Variants in ASTN1 observed in about 807,000 individuals in gnomAD.
The protein encoded by ASTN1 is astrotactin 1, also known as astrotactin-1.
In ASTN1, 41 loss-of-function variants were observed where a neutral mutation model predicts 140.7. That is an observed-to-expected ratio of 0.29 (90% CI 0.23 to 0.38). The LOEUF (loss-of-function observed/expected upper bound fraction) is 0.38. Ranked by LOEUF, ASTN1 falls within the 10% of genes least tolerant of loss-of-function variation. The probability of loss-of-function intolerance (pLI) is 1.00; values close to 1 mark genes in which losing one functional copy is unlikely to be tolerated. For missense variants in ASTN1, 1,479 were observed against 1,678.8 expected, an observed-to-expected ratio of 0.88 and a Z score of 2.08; for synonymous variants, 640 against 652.2, an observed-to-expected ratio of 0.98 and a Z score of 0.29.
chr1:177,069,113 A>C (rs1026229632), intron 1 of ASTN1, among the ~76,000 whole-genome samples: 1 of 152,110 alleles, frequency 6.6e-6, no homozygotes, highest in Non-Finnish European at 1.5e-5. Context: ...AATCCAGCCT[A>C]TCAATTTATA....
chr1:176,897,479 G>C (rs1448971763), intron 16 of ASTN1, among the ~76,000 whole-genome samples: 1 of 151,978 alleles, frequency 6.6e-6, no homozygotes, highest in Non-Finnish European at 1.5e-5. Flanking sequence ...AGCCCTCCTT[G>C]TTGAGAATTT....
At chr1:177,025,711 T>C (rs1201446937) in intron 5 of ASTN1, among the ~76,000 whole-genome samples, 1 of 152,238 alleles carries the variant, frequency 6.6e-6, no homozygotes, top group Non-Finnish European at 1.5e-5. Flanking sequence ...AATATTTGCT[T>C]TCTTACAATA....
intron 14 of ASTN1, among the ~76,000 whole-genome samples, chr1:176,940,662 T>A (rs953310204): frequency 6.6e-6 from 1 of 152,248 alleles, no homozygotes; most frequent in Admixed American, 6.5e-5. Flanking sequence ...CCTTTGCCTG[T>A]TCTTATTTGC....
At chr1:177,010,045 C>T (rs1254350132) in intron 8 of ASTN1, among the ~76,000 whole-genome samples, 1 of 151,954 alleles carries the variant, frequency 6.6e-6, no homozygotes, top group African/African-American at 2.4e-5. Flanking sequence ...TTTAATTTAA[C>T]AAAAAAACAT....
chr1:177,046,682 T>G (rs1677243548), intron 2 of ASTN1, among the ~76,000 whole-genome samples: 1 of 152,166 alleles, frequency 6.6e-6, no homozygotes, highest in Non-Finnish European at 1.5e-5. Context: ...TGCACACACA[T>G]GCAGAGGGAG....
At chr1:177,011,507 A>G (rs534673433) in intron 8 of ASTN1, among the ~76,000 whole-genome samples, 28 of 152,158 alleles carry the variant, frequency 1.8e-4, no homozygotes, top group Admixed American at 5.2e-4. Flanking sequence ...TAGGAGAATA[A>G]ATGATGGAGT....
intron 8 of ASTN1, among the ~76,000 whole-genome samples, chr1:177,009,722 G>A (rs759067754): frequency 6.6e-6 from 1 of 152,218 alleles, no homozygotes; most frequent in Non-Finnish European, 1.5e-5. Context: ...AGAGCAGGCA[G>A]TGTAAGGAAG....
chr1:176,965,653 C>A (rs919789106), intron 8 of ASTN1, among the ~76,000 whole-genome samples: 1 of 152,164 alleles, frequency 6.6e-6, no homozygotes, highest in African/African-American at 2.4e-5. Context: ...TTTGAATCAA[C>A]TGTCTGACCA....
chr1:177,086,156 T>C (rs1679454761), intron 1 of ASTN1, among the ~76,000 whole-genome samples: 1 of 152,112 alleles, frequency 6.6e-6, no homozygotes, highest in African/African-American at 2.4e-5. Flanking sequence ...TGGTCTTTTA[T>C]AATAGCAGAG....
At chr1:177,133,736 C>T (rs1378260666) in intron 1 of ASTN1, among the ~76,000 whole-genome samples, 1 of 152,112 alleles carries the variant, frequency 6.6e-6, no homozygotes, top group Non-Finnish European at 1.5e-5. Context: ...CACAGTTTAG[C>T]CCTGTAAAGG....
intron 9 of ASTN1, among the ~76,000 whole-genome samples, chr1:176,958,968 A>T (rs1212192517): frequency 1.3e-5 from 2 of 152,200 alleles, no homozygotes; most frequent in Non-Finnish European, 2.9e-5. Context: ...GGGAACAGAA[A>T]TGACTGAAGC....
At chr1:177,101,772 A>G (rs1680310953) in intron 1 of ASTN1, among the ~76,000 whole-genome samples, 1 of 152,172 alleles carries the variant, frequency 6.6e-6, no homozygotes, top group Non-Finnish European at 1.5e-5. Context: ...AAATTAGTAG[A>G]TGTCCTATCA....
chr1:177,049,382 A>G (rs540264388), intron 2 of ASTN1, among the ~76,000 whole-genome samples: 4 of 152,356 alleles, frequency 2.6e-5, no homozygotes, highest in East Asian at 3.9e-4. Context: ...TTTTATTGAC[A>G]TATTTCTCTC....
intron 1 of ASTN1, among the ~76,000 whole-genome samples, chr1:177,066,355 T>A (rs1678353620): frequency 6.6e-6 from 1 of 152,146 alleles, no homozygotes; most frequent in Non-Finnish European, 1.5e-5. Context: ...AATAATGAGA[T>A]CTTGGGCAGG....
chr1:176,905,394 T>G (rs1669942093), intron 16 of ASTN1, among the ~76,000 whole-genome samples: 1 of 152,176 alleles, frequency 6.6e-6, no homozygotes, highest in Non-Finnish European at 1.5e-5. Context: ...GTCTAGAAAT[T>G]TTTAATAAAA....
rs986407771 is a variant in ASTN1 at position 177,014,823 on chromosome 1, A to G, written c.1491T>C (p.Leu497=). 1 of 1,613,832 alleles carries G rather than the reference A, an allele frequency of 6.2e-7. No individual in the cohort carries two copies. Among genetic ancestry groups the G allele is most frequent in the Non-Finnish European group, 8.5e-7 (1 of 1,179,804 alleles). Reference sequence around the variant, plus strand: ...TTGTCCCCCATTCGTTCCGAATGCAAAGGTGCTTATGTACTGGATCCTTCA... The same window carrying G: ...TTGTCCCCCATTCGTTCCGAATGCAGAGGTGCTTATGTACTGGATCCTTCA... ...GYMKDPVHKH[L]CIRNEWGTNQ... is the part of the protein sequence containing the mutation. The change falls in exon 8 of 23, where the codon CTT becomes CTC. Residue 497 remains leucine (L), a synonymous_variant. Coordinates refer to ENST00000361833, the MANE Select transcript of ASTN1 (RefSeq NM_004319.3).
At chr1:177,012,159 T>G (rs1333356208) in intron 8 of ASTN1, among the ~76,000 whole-genome samples, 2 of 152,226 alleles carry the variant, frequency 1.3e-5, no homozygotes, top group Admixed American at 6.5e-5. Flanking sequence ...GTATCATTAG[T>G]TGGCAATCTG....
Position 177,164,700 on chromosome 1 carries a change from C to G in ASTN1, c.-24G>C, listed in dbSNP as rs755296789. 5 of 1,524,024 alleles carry G rather than the reference C, an allele frequency of 3.3e-6. No homozygotes were observed. Among genetic ancestry groups the G allele is most frequent in the Non-Finnish European group, 4.4e-6 (5 of 1,139,184 alleles). 94.4% of individuals were successfully genotyped at this position (1,524,024 alleles called of 1,614,324 possible). A position where few individuals can be genotyped will look rare whatever the true frequency, so the allele number is the denominator to read the frequency against. On this transcript the variant is annotated 5_prime_UTR_variant, in exon 1 of 23. Coordinates refer to ENST00000361833, the MANE Select transcript of ASTN1 (RefSeq NM_004319.3). Reference sequence around the variant, plus strand: ...ATCTTGAGCCCCGGCCGCCTTCCTCCTAGCGCTGCGATGGTGGGGGAGGAA... The same window carrying G: ...ATCTTGAGCCCCGGCCGCCTTCCTCGTAGCGCTGCGATGGTGGGGGAGGAA...
intron 7 of ASTN1, among the ~76,000 whole-genome samples, chr1:177,017,476 T>C (rs1280045109): frequency 6.6e-6 from 1 of 152,200 alleles, no homozygotes; most frequent in Admixed American, 6.5e-5. Context: ...TGCTAAATCT[T>C]GACTTTAAGA....
Sources: gnomAD v4.1 joint callset for allele counts (sites outside exome capture counted in the v4.1 genomes callset) on GRCh38, gnomAD v4.1.1 for gene constraint, MANE v1.5 for transcripts, NCBI Gene and HGNC (gene_info 2026-07-23, HGNC 2026-07-21) for gene names.